Variants in TACC2 observed in about 807,000 individuals in gnomAD.
TACC2 encodes transforming acidic coiled-coil containing protein 2.
In TACC2, 137 loss-of-function variants were observed where a neutral mutation model predicts 227.3. That is an observed-to-expected ratio of 0.60 (90% CI 0.52 to 0.69). The LOEUF (loss-of-function observed/expected upper bound fraction) is 0.69. Ranked by LOEUF, TACC2 falls within the 30% of genes least tolerant of loss-of-function variation. TACC2 has a pLI of 0.00. For synonymous variants in TACC2, 1,523 were observed against 1,487.5 expected, an observed-to-expected ratio of 1.02 and a Z score of -0.55; for missense variants, 3,470 against 3,694.4, an observed-to-expected ratio of 0.94 and a Z score of 1.57.
At chr10:122,068,370 C>A (rs1468643813) in intron 3 of TACC2, among the ~76,000 whole-genome samples, 1 of 152,160 alleles carries the variant, frequency 6.6e-6, no homozygotes, top group East Asian at 1.9e-4. Context: ...TGCTCACAGG[C>A]TGGACACTGT....
chr10:122,166,707 G>C (rs1207707153), intron 7 of TACC2, among the ~76,000 whole-genome samples: 1 of 152,232 alleles, frequency 6.6e-6, no homozygotes, highest in Non-Finnish European at 1.5e-5. Flanking sequence ...AATTTGAGAA[G>C]CCATGAGCTG....
chr10:122,083,292 G>A lies in TACC2; in HGVS notation c.792G>A (p.Ala264=), dbSNP rs200705484. Residue 264 remains alanine, a synonymous_variant, in exon 4 of 23, where the codon GCG becomes GCA. Coordinates refer to ENST00000369005, the MANE Select transcript of TACC2 (RefSeq NM_206862.4). ...CCCAGCAGGGCACAGAAAGCTCAGC[G>A]GTCTTGGAGAAGTCCCCCCTAAAAC... ...AAAQQGTESS[A]VLEKSPLKPM... 5.5e-5 allele frequency: 89 copies of A among 1,613,944 alleles called. 1 individual carries two copies. The East Asian group carries it at 8.2e-4, about 15-fold the overall frequency.
At chr10:122,104,798 G>A (rs139703493) in intron 5 of TACC2, among the ~76,000 whole-genome samples, 1 of 152,288 alleles carries the variant, frequency 6.6e-6, no homozygotes, top group East Asian at 1.9e-4. Flanking sequence ...AAATCCTAAC[G>A]TGGTAACACT....
intron 11 of TACC2, 124 bp from the exon 12 acceptor site, chr10:122,224,602 G>A (rs1006195801): frequency 4.7e-5 from 37 of 792,088 alleles, no homozygotes; most frequent in Admixed American, 3.8e-4. Flanking sequence ...AGTGGGCACC[G>A]TCAGAAAGCC....
In TACC2 at chr10:122,220,874, C is replaced by A. The variant is rs542360743; in HGVS notation, c.7547-3852C>A. On this transcript the variant is annotated intron_variant, in intron 11 of 22. Coordinates refer to ENST00000369005, the MANE Select transcript of TACC2 (RefSeq NM_206862.4). ...GTTCCCCATTTTAGGAACAAGGATA[C>A]AGAGGCTTGGAGCTGTTAGTGACTC... Among the ~76,000 whole-genome samples the A allele has an allele frequency of 2.0e-5, 3 of 152,300 alleles. No individual in the cohort carries two copies. The East Asian group carries it at 5.8e-4, about 29-fold the overall frequency.
At chr10:122,149,918 C>T (rs1020073148) in intron 7 of TACC2, among the ~76,000 whole-genome samples, 5 of 152,326 alleles carry the variant, frequency 3.3e-5, no homozygotes, top group Admixed American at 6.5e-5. Flanking sequence ...CTACGCTGAG[C>T]CACGTCACCG....
At chr10:122,132,049 A>AAAGGAAGGAAGGAAGGAAGG (rs1565389849) in intron 5 of TACC2, among the ~76,000 whole-genome samples, 138 of 5,464 alleles carry the variant, frequency 0.025, 3 homozygotes, top group African/African-American at 0.03. Flanking sequence ...AGAAAGAAAG[A>AAAGGAAGGAAGGAAGGAAGG]AAGAAAGAAA....
intron 22 of TACC2, among the ~76,000 whole-genome samples, chr10:122,252,268 G>T (rs897550399): frequency 6.6e-6 from 1 of 152,196 alleles, no homozygotes; most frequent in African/African-American, 2.4e-5. Context: ...CTGGCTGTGT[G>T]ACCTTATACA....
At chr10:122,096,516 G>T (rs2081426860) in intron 5 of TACC2, among the ~76,000 whole-genome samples, 1 of 152,102 alleles carries the variant, frequency 6.6e-6, no homozygotes, top group Admixed American at 6.5e-5. Context: ...GACCAACATG[G>T]TAAAACCCTG....
At chr10:122,109,494 T>G (rs536042774) in intron 5 of TACC2, among the ~76,000 whole-genome samples, 1 of 152,282 alleles carries the variant, frequency 6.6e-6, no homozygotes, top group African/African-American at 2.4e-5. Context: ...TCCCACAGCC[T>G]GGGGTTCGTG....
rs1200733037 is a variant in TACC2, at chr10:122,141,681, TCCCCCCCAC to T, written c.5700-1888_5700-1880del. Among the ~76,000 whole-genome samples, 1 of 150,740 alleles carries T rather than the reference TCCCCCCCAC, an allele frequency of 6.6e-6. No individual in the cohort carries two copies. The highest frequency in any genetic ancestry group is 1.9e-4 in the East Asian group (1 of 5,138). On this transcript the variant is annotated intron_variant, in intron 6 of 22. Coordinates refer to ENST00000369005, the MANE Select transcript of TACC2 (RefSeq NM_206862.4). This position sits in a 1 kb window ranked among gnomAD's most constrained non-coding sequence, Gnocchi z 4.3. Reference sequence around the variant, plus strand: ...CGGGCCACAGATCTAAGGTAGCATCTCCCCCCCACCCGCCACTGTTTTCTAAGACAGAGA... The same window carrying T: ...CGGGCCACAGATCTAAGGTAGCATCTCCGCCACTGTTTTCTAAGACAGAGA...
At chr10:122,197,733 T>C (rs150024909) in intron 8 of TACC2, among the ~76,000 whole-genome samples, 7 of 152,360 alleles carry the variant, frequency 4.6e-5, no homozygotes, top group African/African-American at 7.2e-5. Context: ...TGTGTGAGGA[T>C]TGTACACTCA....
At chr10:122,153,599 T>C (rs947868313) in intron 7 of TACC2, among the ~76,000 whole-genome samples, 7 of 152,220 alleles carry the variant, frequency 4.6e-5, no homozygotes, top group Admixed American at 4.6e-4. Context: ...CAAAGTGATT[T>C]CTTGTTTTTT....
chr10:122,100,014 C>T (rs1187755173), intron 5 of TACC2, among the ~76,000 whole-genome samples: 4 of 152,172 alleles, frequency 2.6e-5, no homozygotes, highest in Non-Finnish European at 5.9e-5. Context: ...CCTGTAATCC[C>T]AGCACTTTGG....
chr10:122,083,841 G>C lies in TACC2; in HGVS notation c.1341G>C (p.Lys447Asn). 1 of 1,614,200 alleles carries C rather than the reference G, an allele frequency of 6.2e-7. No individual in the cohort carries two copies. Among genetic ancestry groups the C allele is most frequent in the African/African-American group, 1.3e-5 (1 of 75,060 alleles). Residue 447 changes from lysine to asparagine, a missense_variant, in exon 4 of 23, where the codon AAG becomes AAC. Physicochemically the swap from Lys to Asn is moderately conservative, Grantham distance 94. Around this residue, in one of 10 missense-constraint regions of TACC2, gnomAD observed 1,924 missense variants for 1,978.3 expected, o/e 0.97. Coordinates refer to ENST00000369005, the MANE Select transcript of TACC2 (RefSeq NM_206862.4). ...CATCATCCAGGGAATCAGTTTCCAA[G>C]GCTGGGATGCCAGTTTCTGCAGATG... is the stretch of plus-strand genomic sequence containing the variant. The part of the protein sequence containing the change: ...PGSSSRESVS[K>N]AGMPVSADAA...
At chr10:122,163,918 A>G (rs1200245919) in intron 7 of TACC2, 3 of 1,571,174 alleles carry the variant, frequency 1.9e-6, no homozygotes, top group Admixed American at 3.7e-5. Flanking sequence ...GCCAGGGCAC[A>G]GCGAGGATGG....
intron 5 of TACC2, among the ~76,000 whole-genome samples, chr10:122,104,198 T>G (rs1367633826): frequency 2.0e-5 from 3 of 152,124 alleles, no homozygotes; most frequent in Non-Finnish European, 4.4e-5. Flanking sequence ...GAATATTCTC[T>G]CTCTCTTCTG....
chr10:122,050,495 A>T lies in TACC2; in HGVS notation c.91A>T (p.Ile31Leu). ...SAQPPGNSQN[I>L]KRKQQDTPGS... is the part of the protein sequence containing the mutation. ...GCAGCCACCCGGGAACAGTCAGAAT[A>T]TAAAAAGGAAGCAGCAGGACACGCC... The change falls in exon 3 of 23, where the codon ATA (isoleucine) becomes TTA (leucine). Residue 31 changes from isoleucine (I) to leucine (L), a missense_variant. By Grantham distance (5) the Ile-to-Leu change is conservative. Coordinates refer to ENST00000369005, the MANE Select transcript of TACC2 (RefSeq NM_206862.4). The surrounding 1 kb of genome is among the most constrained non-coding windows in gnomAD (Gnocchi z 4.6). 6.2e-7 allele frequency: 1 copy of T among 1,614,108 alleles called. No homozygotes were observed. Among genetic ancestry groups the T allele is most frequent in the Non-Finnish European group, 8.5e-7 (1 of 1,180,022 alleles).
chr10:122,196,140 T>C (rs2094561419), intron 8 of TACC2, among the ~76,000 whole-genome samples: 1 of 152,250 alleles, frequency 6.6e-6, no homozygotes, highest in Non-Finnish European at 1.5e-5. Flanking sequence ...CACTGTGTAC[T>C]TGCCCTGGCC....
Sources: gnomAD v4.1 joint callset for allele counts (sites outside exome capture counted in the v4.1 genomes callset) on GRCh38, gnomAD v4.1.1 for gene constraint, gnomAD v4.1.1 regional missense constraint, Gnocchi (gnomAD v3.1) non-coding constraint, MANE v1.5 for transcripts, NCBI Gene and HGNC (gene_info 2026-07-23, HGNC 2026-07-21) for gene names.